Variants in TMEM132D observed in about 807,000 individuals in gnomAD.
TMEM132D encodes transmembrane protein 132D.
Under a neutral mutation model 62.3 loss-of-function variants are expected in TMEM132D, and 21 were observed. The observed-to-expected ratio is 0.34, with a 90% CI of 0.24 to 0.49. TMEM132D has a LOEUF of 0.49. Ranked by LOEUF, TMEM132D falls within the 20% of genes least tolerant of loss-of-function variation. The probability of loss-of-function intolerance (pLI) is 0.99; values close to 1 mark genes in which losing one functional copy is unlikely to be tolerated. For missense variants in TMEM132D, 1,346 were observed against 1,402.8 expected (o/e 0.96, Z 0.65); for synonymous variants, 621 against 575.6 (o/e 1.08, Z -1.13).
At chr12:129,234,274 G>A (rs1879724295) in intron 4 of TMEM132D, among the ~76,000 whole-genome samples, 2 of 152,144 alleles carry the variant, frequency 1.3e-5, no homozygotes, top group African/African-American at 2.4e-5. Context: ...GCAAACCGAG[G>A]GGTGTTTGAA....
intron 1 of TMEM132D, among the ~76,000 whole-genome samples, chr12:129,825,871 C>G (rs980104519): frequency 1.3e-5 from 2 of 152,078 alleles, no homozygotes; most frequent in African/African-American, 4.8e-5. Flanking sequence ...CAAGACCAGC[C>G]TGGCCAACAC....
chr12:129,608,804 A>T (rs1878692644), intron 2 of TMEM132D, among the ~76,000 whole-genome samples: 1 of 152,134 alleles, frequency 6.6e-6, no homozygotes, highest in African/African-American at 2.4e-5. Context: ...CTGCCAAGGA[A>T]CCTATAAGAA....
chr12:129,809,834 T>A (rs1872115592), intron 1 of TMEM132D, among the ~76,000 whole-genome samples: 1 of 152,146 alleles, frequency 6.6e-6, no homozygotes, highest in Admixed American at 6.5e-5. Context: ...CTCAGAAAAT[T>A]TCAGGACTTA....
intron 1 of TMEM132D, among the ~76,000 whole-genome samples, chr12:129,701,678 T>A (rs1010542309): frequency 1.3e-5 from 2 of 152,200 alleles, no homozygotes; most frequent in Non-Finnish European, 2.9e-5. Context: ...GCAGAGCAAT[T>A]GCATAATCCA....
At chr12:129,605,604 T>TATATATATATATATATATATATATAC (rs150550863) in intron 2 of TMEM132D, among the ~76,000 whole-genome samples, 41 of 106,294 alleles carry the variant, frequency 3.9e-4, no homozygotes, top group African/African-American at 9.3e-4. Context: ...TATATATATA[T>TATATATATATATATATATATATATAC]ACACACACAT....
intron 4 of TMEM132D, among the ~76,000 whole-genome samples, chr12:129,336,952 G>A (rs10847834): frequency 0.31 from 47,434 of 152,016 alleles, 8,360 homozygotes; most frequent in East Asian, 0.56. Flanking sequence ...CAAAGCAAAG[G>A]GCACGGCCGT....
At chr12:129,543,863 T>C (rs1484298430) in intron 2 of TMEM132D, among the ~76,000 whole-genome samples, 3 of 152,240 alleles carry the variant, frequency 2.0e-5, no homozygotes, top group Non-Finnish European at 4.4e-5. Context: ...TGCTAGTATC[T>C]GAGCAAAATC....
chr12:129,349,593 C>T (rs570924473), intron 3 of TMEM132D, among the ~76,000 whole-genome samples: 2 of 152,238 alleles, frequency 1.3e-5, no homozygotes, highest in African/African-American at 2.4e-5. Flanking sequence ...AACTATGTGT[C>T]GGGAATAATC....
intron 3 of TMEM132D, among the ~76,000 whole-genome samples, chr12:129,506,342 C>T (rs1158065351): frequency 6.6e-6 from 1 of 152,104 alleles, no homozygotes; most frequent in Non-Finnish European, 1.5e-5. Context: ...ATTCTTCACA[C>T]AACTGGAAAA....
chr12:129,762,633 ACCCTT>A (rs1216347021), intron 1 of TMEM132D, among the ~76,000 whole-genome samples: 1 of 152,014 alleles, frequency 6.6e-6, no homozygotes, highest in Non-Finnish European at 1.5e-5. Flanking sequence ...AAAGCTGCAA[ACCCTT>A]GGGCTTTCTG....
At chr12:129,753,092 A>G (rs1870051589) in intron 1 of TMEM132D, among the ~76,000 whole-genome samples, 1 of 152,232 alleles carries the variant, frequency 6.6e-6, no homozygotes, top group Admixed American at 6.5e-5. Flanking sequence ...CTAACAGGAC[A>G]AGTAAAGTGA....
chr12:129,853,592 G>A (rs1873614675), intron 1 of TMEM132D: 1 of 152,176 alleles, frequency 6.6e-6, no homozygotes, highest in Admixed American at 6.5e-5. Context: ...TGGAACCGAT[G>A]GTTTGAAAGC....
rs1220029017 is a variant in TMEM132D at position 129,903,185 on chromosome 12, C to T, written c.79+76G>A. 6.8e-7 allele frequency: 1 copy of T among 1,470,720 alleles called. No individual in the cohort carries two copies. Among genetic ancestry groups the T allele is most frequent in the African/African-American group, 1.4e-5 (1 of 71,320 alleles). The allele number at this position is 1,470,720 out of a possible 1,614,324, so 91.1% of individuals were successfully genotyped here. A position where few individuals can be genotyped will look rare whatever the true frequency, so the allele number is the denominator to read the frequency against. ...CACGAGCCCTCTCTCCCGGCCGCCC[C>T]CATCCTCCACACACTCCCACACACT... is the stretch of plus-strand genomic sequence containing the variant. On this transcript the variant is annotated intron_variant, in intron 1 of 8. Coordinates refer to ENST00000422113, the MANE Select transcript of TMEM132D (RefSeq NM_133448.3). This position sits in a 1 kb window ranked among gnomAD's most constrained non-coding sequence, Gnocchi z 6.2.
chr12:129,651,369 T>C (rs1003278032), intron 2 of TMEM132D, among the ~76,000 whole-genome samples: 2 of 152,352 alleles, frequency 1.3e-5, no homozygotes, highest in East Asian at 3.9e-4. Context: ...AATTTATTTT[T>C]AACCTTGGTT....
chr12:129,425,537 C>T (rs59332103), intron 3 of TMEM132D, among the ~76,000 whole-genome samples: 14 of 152,104 alleles, frequency 9.2e-5, no homozygotes, highest in Admixed American at 7.2e-4. Flanking sequence ...ACAATAAACA[C>T]GCATATGACT....
intron 2 of TMEM132D, among the ~76,000 whole-genome samples, chr12:129,675,684 G>C (rs1880610789): frequency 6.6e-6 from 1 of 152,126 alleles, no homozygotes; most frequent in South Asian, 2.1e-4. Flanking sequence ...GTAATGTCTG[G>C]AGACATTTTT....
At chr12:129,397,904 C>T (rs886325496) in intron 3 of TMEM132D, among the ~76,000 whole-genome samples, 6 of 152,160 alleles carry the variant, frequency 3.9e-5, no homozygotes, top group South Asian at 2.1e-4. Flanking sequence ...GCAGAACCGA[C>T]GGCCTTTGCA....
At chr12:129,148,047 C>T (rs1876963747) in intron 5 of TMEM132D, among the ~76,000 whole-genome samples, 1 of 152,130 alleles carries the variant, frequency 6.6e-6, no homozygotes, top group Non-Finnish European at 1.5e-5. Flanking sequence ...GCTTAGACAC[C>T]CTCACCTACA....
At chr12:129,492,182 A>T (rs1352532549) in intron 3 of TMEM132D, among the ~76,000 whole-genome samples, 2 of 152,208 alleles carry the variant, frequency 1.3e-5, no homozygotes, top group Non-Finnish European at 2.9e-5. Context: ...AAATTAGTAC[A>T]GAAAATTAGC....
Sources: allele counts gnomAD v4.1 joint callset (sites outside exome capture counted in the v4.1 genomes callset), GRCh38; gene constraint gnomAD v4.1.1; non-coding constraint Gnocchi (gnomAD v3.1); transcripts MANE v1.5; gene names NCBI Gene and HGNC (gene_info 2026-07-23, HGNC 2026-07-21).